Variants in CACNA1C observed in about 807,000 individuals in gnomAD.
The protein encoded by CACNA1C is voltage-dependent L-type calcium channel subunit alpha-1C.
A neutral mutation model predicts 229.0 loss-of-function variants in CACNA1C; 30 were observed. The observed-to-expected ratio is 0.13, with a 90% CI of 0.10 to 0.18. The LOEUF is 0.18. Ranked by LOEUF, CACNA1C falls within the 10% of genes least tolerant of loss-of-function variation. The pLI is 1.00. For missense variants in CACNA1C, 1,658 were observed against 2,845.0 expected, an observed-to-expected ratio of 0.58 and a Z score of 9.49; for synonymous variants, 1,114 against 1,132.5, an observed-to-expected ratio of 0.98 and a Z score of 0.33.
chr12:2,233,253 C>T (rs1314999882), intron 3 of CACNA1C, among the ~76,000 whole-genome samples: 7 of 152,132 alleles, frequency 4.6e-5, no homozygotes, highest in Admixed American at 2.0e-4. Flanking sequence ...GTTGTGTCAC[C>T]GTGTCCATGT....
At chr12:2,322,793 A>T (rs2154497708) in intron 3 of CACNA1C, among the ~76,000 whole-genome samples, 1 of 152,328 alleles carries the variant, frequency 6.6e-6, no homozygotes, top group Middle Eastern at 3.4e-3. Flanking sequence ...AGCCTGTTGC[A>T]TGAGCATCTG....
rs186600638 is a variant in CACNA1C, at chr12:2,593,026, C to T, written c.2531-187C>T. ...TTACAATCCCCCTTATTGTGCACTGCCAGATACGACTTCTCCAGCAGAGAT... is the reference window on the plus strand; with the variant it reads ...TTACAATCCCCCTTATTGTGCACTGTCAGATACGACTTCTCCAGCAGAGAT... On this transcript the variant is annotated intron_variant, in intron 18 of 46. Coordinates refer to ENST00000399655, the MANE Select transcript of CACNA1C (RefSeq NM_000719.7). 2.4e-3 allele frequency among the ~76,000 whole-genome samples: 363 copies of T among 152,284 alleles called. 2 individuals are homozygous for T. Among genetic ancestry groups the T allele is most frequent in the Middle Eastern group, 6.8e-3 (2 of 294 alleles).
intron 19 of CACNA1C, among the ~76,000 whole-genome samples, chr12:2,594,208 T>G (rs1013252881): frequency 3.3e-5 from 5 of 152,250 alleles, no homozygotes; most frequent in Admixed American, 2.6e-4. Context: ...GAATACATTC[T>G]GCTTCCTAAG....
chr12:2,434,635 C>T (rs140819788), intron 3 of CACNA1C, among the ~76,000 whole-genome samples: 426 of 152,290 alleles, frequency 2.8e-3, no homozygotes, highest in African/African-American at 5.8e-3. Flanking sequence ...AAAGAAACTG[C>T]GGTCTGGCAA....
chr12:2,356,288 C>T (rs1199362839), intron 3 of CACNA1C, among the ~76,000 whole-genome samples: 1 of 152,204 alleles, frequency 6.6e-6, no homozygotes, highest in Non-Finnish European at 1.5e-5. Context: ...ATCTTAATGA[C>T]ACAAGTAACT....
At chr12:1,992,882 A>G (rs2039795722) in intron 1 of CACNA1C, 1 of 468,352 alleles carries the variant, frequency 2.1e-6, no homozygotes, top group Non-Finnish European at 3.8e-6. Context: ...ACATAAAGAA[A>G]AAGTGCCATA....
At chr12:2,382,583 T>C (rs2239059) in intron 3 of CACNA1C, among the ~76,000 whole-genome samples, 47,703 of 151,936 alleles carry the variant, frequency 0.31, 8,354 homozygotes, top group Non-Finnish European at 0.41. Flanking sequence ...AATCATATCA[T>C]AGGGGGAGCT....
rs755553231 is a variant in CACNA1C, at chr12:2,690,951, G to A, written c.6169G>A (p.Glu2057Lys). ...GQFAQDPKFIEVTTQELADAC... is the reference protein window; with the variant it reads ...GQFAQDPKFIKVTTQELADAC... ...GTTTGCTCAAGATCCCAAGTTCATCGAGGTCACCACCCAGGAGCTGGCCGA... is the reference window on the plus strand; with the variant it reads ...GTTTGCTCAAGATCCCAAGTTCATCAAGGTCACCACCCAGGAGCTGGCCGA... Residue 2057 changes from glutamate to lysine, a missense_variant, in exon 47 of 47, where the codon GAG becomes AAG. Physicochemically the swap from Glu to Lys is moderately conservative, Grantham distance 56. This residue lies in a region of CACNA1C where 590 missense variants were observed against 700.8 expected (regional missense o/e 0.84). Transcript: ENST00000399655. 1.0e-5 allele frequency: 16 copies of A among 1,597,018 alleles called. No homozygotes were observed. Among genetic ancestry groups the A allele is most frequent in the Non-Finnish European group, 1.2e-5 (14 of 1,171,122 alleles).
intron 1 of CACNA1C, among the ~76,000 whole-genome samples, chr12:2,079,546 T>A (rs2064638618): frequency 6.6e-6 from 1 of 152,134 alleles, no homozygotes; most frequent in South Asian, 2.1e-4. Context: ...CGAATCCCAC[T>A]CATGAGGAAC....
At chr12:2,528,477 C>T (rs1444952273) in intron 9 of CACNA1C, among the ~76,000 whole-genome samples, 3 of 152,200 alleles carry the variant, frequency 2.0e-5, no homozygotes, top group Admixed American at 2.0e-4. Context: ...AAAGCCAGCC[C>T]GTTCTTCCAA....
chr12:2,459,167 G>GTTTTTT (rs2099475575), intron 5 of CACNA1C, among the ~76,000 whole-genome samples: 1 of 100,150 alleles, frequency 1.0e-5, no homozygotes, highest in African/African-American at 4.4e-5. Context: ...TTTTTTGTGT[G>GTTTTTT]TGTTTTTTTT....
chr12:2,264,243 C>T (rs1262636759), intron 3 of CACNA1C, among the ~76,000 whole-genome samples: 1 of 152,186 alleles, frequency 6.6e-6, no homozygotes, highest in Non-Finnish European at 1.5e-5. Context: ...TCTGCAAGGG[C>T]TCCAGGGGGC....
At chr12:2,550,338 G>T (rs766553052) in intron 10 of CACNA1C, among the ~76,000 whole-genome samples, 3 of 152,230 alleles carry the variant, frequency 2.0e-5, no homozygotes, top group Non-Finnish European at 4.4e-5. Flanking sequence ...GGGTGTGTGT[G>T]TAGGGGGCGG....
intron 5 of CACNA1C, among the ~76,000 whole-genome samples, chr12:2,470,423 G>A (rs2099584859): frequency 6.6e-6 from 1 of 152,224 alleles, no homozygotes; most frequent in African/African-American, 2.4e-5. Context: ...AATGAGGGGG[G>A]AATGAAATGA....
intron 9 of CACNA1C, among the ~76,000 whole-genome samples, chr12:2,518,552 G>A (rs2099802812): frequency 1.3e-5 from 2 of 151,400 alleles, no homozygotes; most frequent in South Asian, 2.1e-4. Context: ...AGCTTGCAGT[G>A]AGCCGAGATC....
chr12:2,299,614 A>C (rs1314866840), intron 3 of CACNA1C, among the ~76,000 whole-genome samples: 2 of 152,302 alleles, frequency 1.3e-5, no homozygotes, highest in Admixed American at 6.5e-5. Context: ...ATTGGCCGGA[A>C]CAGAACCTCT....
intron 3 of CACNA1C, among the ~76,000 whole-genome samples, chr12:2,273,819 G>A (rs551282295): frequency 6.6e-6 from 1 of 152,204 alleles, no homozygotes; most frequent in South Asian, 2.1e-4. Flanking sequence ...TTGGTTAGGG[G>A]GCAGAGAACG....
chr12:2,006,194 G>A (rs1213868704), intron 1 of CACNA1C, among the ~76,000 whole-genome samples: 1 of 152,166 alleles, frequency 6.6e-6, no homozygotes, highest in African/African-American at 2.4e-5. Flanking sequence ...CGGATCACAA[G>A]GTCAGTAGTT....
intron 27 of CACNA1C, among the ~76,000 whole-genome samples, chr12:2,609,440 G>T (rs2076685060): frequency 6.6e-6 from 1 of 151,816 alleles, no homozygotes; most frequent in South Asian, 2.1e-4. Flanking sequence ...CCAGTCCCCT[G>T]TGGGTTTTCA....
Sources: gnomAD v4.1 joint callset for allele counts (sites outside exome capture counted in the v4.1 genomes callset) on GRCh38, gnomAD v4.1.1 for gene constraint, gnomAD v4.1.1 regional missense constraint, MANE v1.5 for transcripts, NCBI Gene and HGNC (gene_info 2026-07-23, HGNC 2026-07-21) for gene names.